RRM1: variants seen among roughly 807,000 people sequenced by gnomAD.
The protein encoded by RRM1 is ribonucleotide reductase catalytic subunit M1, also known as ribonucleoside-diphosphate reductase large subunit.
Under a neutral mutation model 101.5 loss-of-function variants are expected in RRM1, and 19 were observed. The ratio of observed to expected loss-of-function variants is 0.19; its 90% CI spans 0.13 to 0.27. The LOEUF (loss-of-function observed/expected upper bound fraction) is 0.27, where lower values mean the gene tolerates loss of function less well. Among genes scored for constraint, RRM1 ranks in the 10% least tolerant of loss-of-function variants. The pLI is 1.00. For synonymous variants in RRM1, 298 were observed against 323.4 expected, an observed-to-expected ratio of 0.92 and a Z score of 0.84; for missense variants, 500 against 962.9, an observed-to-expected ratio of 0.52 and a Z score of 6.36.
chr11:4,115,812 C>G (rs2094572281), intron 7 of RRM1, among the ~76,000 whole-genome samples: 1 of 152,134 alleles, frequency 6.6e-6, no homozygotes, highest in African/African-American at 2.4e-5. Context: ...CTGCCTGGGC[C>G]TCCCAAAGTG....
At chr11:4,120,158 A>G (rs1051771112) in intron 9 of RRM1, among the ~76,000 whole-genome samples, 1 of 152,152 alleles carries the variant, frequency 6.6e-6, no homozygotes, top group Non-Finnish European at 1.5e-5. Flanking sequence ...GAGGTAGAAC[A>G]TTTCCATTAC....
At chr11:4,100,681 C>G (rs962250637) in intron 1 of RRM1, among the ~76,000 whole-genome samples, 1 of 152,020 alleles carries the variant, frequency 6.6e-6, no homozygotes, top group African/African-American at 2.4e-5. Flanking sequence ...TTTTTTTCCC[C>G]CATAGGAGCA....
chr11:4,120,090 G>A (rs2094579337), intron 9 of RRM1, 162 bp downstream of exon 9: 2 of 527,974 alleles, frequency 3.8e-6, no homozygotes, highest in Non-Finnish European at 6.8e-6. Flanking sequence ...TACTTTAAAT[G>A]TACAGTTTGA....
chr11:4,127,826 A>G (rs1392483898), intron 14 of RRM1, among the ~76,000 whole-genome samples: 6 of 152,322 alleles, frequency 3.9e-5, no homozygotes, highest in South Asian at 4.1e-4. Flanking sequence ...GATGCTGCCA[A>G]TGTTAGTTTT....
intron 1 of RRM1, among the ~76,000 whole-genome samples, chr11:4,097,300 A>C (rs1481375384): frequency 2.0e-5 from 3 of 149,334 alleles, no homozygotes; most frequent in Admixed American, 6.7e-5. Context: ...AAAAAAAAAA[A>C]ACCACAAAGT....
At chr11:4,111,333 C>T (rs1171394088) in intron 5 of RRM1, among the ~76,000 whole-genome samples, 1 of 151,554 alleles carries the variant, frequency 6.6e-6, no homozygotes, top group African/African-American at 2.4e-5. Context: ...ATGGCATGAA[C>T]CCGGGAGGCA....
Position 4,123,114 on chromosome 11 carries a change from T to A in RRM1, c.1119-69T>A, listed in dbSNP as rs1394844824. The A allele has an allele frequency of 2.6e-6, 3 of 1,151,900 alleles. No individual in the cohort carries two copies. In the African/African-American group the frequency reaches 4.7e-5, roughly 18 times the overall value. The allele number at this position is 1,151,900 out of a possible 1,614,324, so 71.4% of individuals were successfully genotyped here. On this transcript the variant is annotated intron_variant, in intron 11 of 18. Coordinates refer to ENST00000300738, the MANE Select transcript of RRM1 (RefSeq NM_001033.5). ...GTTTTCATAACTTTATATTTTAATG[T>A]CTTCAAGTTGTCTACAATAAAGTTT...
chr11:4,094,775 A>C (rs1478906807), upstream of RRM1: 4 of 584,584 alleles, frequency 6.8e-6, no homozygotes, highest in Non-Finnish European at 1.2e-5. Context: ...AGCGTCGAGT[A>C]ACGTCATTCG....
intron 12 of RRM1, 42 bp from the exon 13 acceptor site, chr11:4,126,642 A>C: frequency 6.4e-7 from 1 of 1,573,416 alleles, no homozygotes; most frequent in Non-Finnish European, 8.6e-7. Context: ...AGGAAGTAGA[A>C]ATAAAAATTG....
At chr11:4,119,552 G>T (rs1457938465) in intron 8 of RRM1, among the ~76,000 whole-genome samples, 1 of 152,200 alleles carries the variant, frequency 6.6e-6, no homozygotes, top group Non-Finnish European at 1.5e-5. Context: ...TTTAGAAGAT[G>T]TAGAGTTTAA....
chr11:4,107,891 G>A (rs911629618), intron 4 of RRM1, among the ~76,000 whole-genome samples: 1 of 151,936 alleles, frequency 6.6e-6, no homozygotes, highest in Admixed American at 6.6e-5. Context: ...GTTGTATAAC[G>A]TTCCATTTTG....
At position 4,138,336 on chromosome 11, in the gene RRM1, G is replaced by A; in HGVS notation, c.2332G>A (p.Val778Met). 1 of 1,612,350 alleles carries A rather than the reference G, an allele frequency of 6.2e-7. No homozygotes were observed. Among genetic ancestry groups the A allele is most frequent in the Non-Finnish European group, 8.5e-7 (1 of 1,179,344 alleles). The change falls in exon 19 of 19, where the codon GTG becomes ATG. Residue 778 changes from valine to methionine, a missense_variant. Val to Met is a conservative substitution (Grantham distance 21). Coordinates refer to ENST00000300738, the MANE Select transcript of RRM1 (RefSeq NM_001033.5). ...GAAGGAGAGGAACACAGCAGCCATGGTGTGCTCTTTGGAGAATAGAGATGA... is the reference window on the plus strand; with the variant it reads ...GAAGGAGAGGAACACAGCAGCCATGATGTGCTCTTTGGAGAATAGAGATGA... ...EEKERNTAAMVCSLENRDECL... is the reference protein window; with the variant it reads ...EEKERNTAAMMCSLENRDECL...
chr11:4,130,086 A>ATATATATATATATATATATATATATAT (rs1202870487), intron 15 of RRM1, among the ~76,000 whole-genome samples: 1 of 99,446 alleles, frequency 1.0e-5, no homozygotes. Context: ...ATATATATAT[A>ATATATATATATATATATATATATATAT]TTTTTTTTTT....
chr11:4,138,661 T>C lies in RRM1; in HGVS notation c.*278T>C, dbSNP rs2094618848. 5 of 269,062 alleles carry C rather than the reference T, an allele frequency of 1.9e-5. No homozygotes were observed. The East Asian group carries it at 2.2e-4, about 12-fold the overall frequency. The allele number at this position is 269,062 out of a possible 1,614,324, so 16.7% of individuals were successfully genotyped here. A position where few individuals can be genotyped will look rare whatever the true frequency, so the allele number is the denominator to read the frequency against. ...TTTTAGGAATGCAAAATAAGTCATC[T>C]TGCATACAGGGAGTGGTTAAGTAAG... On this transcript the variant is annotated 3_prime_UTR_variant, in exon 19 of 19. Transcript: ENST00000300738.
At chr11:4,131,823 CTCA>C (rs760112457) in intron 15 of RRM1, among the ~76,000 whole-genome samples, 60 of 152,140 alleles carry the variant, frequency 3.9e-4, no homozygotes, top group Non-Finnish European at 1.9e-4. Context: ...TGAACACTTT[CTCA>C]TCATTATTTT....
At chr11:4,106,915 T>C (rs774587579) in intron 3 of RRM1, among the ~76,000 whole-genome samples, 8 of 152,080 alleles carry the variant, frequency 5.3e-5, no homozygotes, top group Admixed American at 2.6e-4. Flanking sequence ...TTTTTTGAGA[T>C]AAAGTTTTGC....
intron 11 of RRM1, among the ~76,000 whole-genome samples, chr11:4,122,660 G>A (rs757349545): frequency 3.9e-5 from 6 of 152,120 alleles, no homozygotes; most frequent in Non-Finnish European, 8.8e-5. Context: ...ATCATTTGAG[G>A]TCAGGAGTTC....
At chr11:4,125,822 T>C (rs1441147259) in intron 12 of RRM1, among the ~76,000 whole-genome samples, 1 of 152,218 alleles carries the variant, frequency 6.6e-6, no homozygotes, top group African/African-American at 2.4e-5. Flanking sequence ...TTTATTAGAC[T>C]TCTGTGATTC....
At position 4,095,037 on chromosome 11, in the gene RRM1, G is replaced by T. The variant is rs373050099; in HGVS notation, c.19+6G>T. On this transcript the variant is annotated splice_donor_region_variant and intron_variant, in intron 1 of 18. Coordinates refer to ENST00000300738, the MANE Select transcript of RRM1 (RefSeq NM_001033.5). ...GATGCATGTGATCAAGCGAGGTGAG[G>T]GGGGGACGAGGTGGGCGAGAAGGAA... The T allele has an allele frequency of 1.6e-4, 246 of 1,569,038 alleles. No individual in the cohort carries two copies. The highest frequency in any genetic ancestry group is 1.7e-4 in the Non-Finnish European group (198 of 1,157,258).
Sources: gnomAD v4.1 joint callset for allele counts (sites outside exome capture counted in the v4.1 genomes callset) on GRCh38, gnomAD v4.1.1 for gene constraint, MANE v1.5 for transcripts, NCBI Gene and HGNC (gene_info 2026-07-23, HGNC 2026-07-21) for gene names.